NFATC2: variants seen among roughly 807,000 people sequenced by gnomAD.
The protein encoded by NFATC2 is nuclear factor of activated T cells 2.
In NFATC2, 22 loss-of-function variants were observed where a neutral mutation model predicts 87.3. The ratio of observed to expected loss-of-function variants is 0.25; its 90% CI spans 0.18 to 0.36. The LOEUF is 0.36. Among genes scored for constraint, NFATC2 ranks in the 10% least tolerant of loss-of-function variants. NFATC2 has a pLI of 1.00. For synonymous variants in NFATC2, 565 were observed against 542.2 expected, an observed-to-expected ratio of 1.04 and a Z score of -0.58; for missense variants, 1,149 against 1,259.1, an observed-to-expected ratio of 0.91 and a Z score of 1.32.
chr20:51,518,073 G>A (rs1015191152), intron 2 of NFATC2, among the ~76,000 whole-genome samples: 4 of 152,206 alleles, frequency 2.6e-5, no homozygotes, highest in African/African-American at 7.2e-5. Flanking sequence ...AGGTAGAACT[G>A]TTCACAGGGT....
At chr20:51,461,111 G>T (rs1426701328) in intron 5 of NFATC2, among the ~76,000 whole-genome samples, 3 of 152,206 alleles carry the variant, frequency 2.0e-5, no homozygotes, top group Admixed American at 1.3e-4. Context: ...ACTGAAGCCA[G>T]CGCACAGCAG....
At chr20:51,498,422 G>C (rs914615221) in intron 3 of NFATC2, among the ~76,000 whole-genome samples, 4 of 152,220 alleles carry the variant, frequency 2.6e-5, no homozygotes, top group Non-Finnish European at 5.9e-5. Flanking sequence ...TGTGTGGCAG[G>C]GGGGTGGATG....
At chr20:51,392,247 A>G (rs1455739438) in intron 10 of NFATC2, among the ~76,000 whole-genome samples, 1 of 152,224 alleles carries the variant, frequency 6.6e-6, no homozygotes, top group African/African-American at 2.4e-5. Context: ...ACTAGCCATC[A>G]ACATAAACAT....
At chr20:51,418,962 C>T (rs1353425708) in intron 9 of NFATC2, among the ~76,000 whole-genome samples, 2 of 150,704 alleles carry the variant, frequency 1.3e-5, no homozygotes, top group African/African-American at 4.9e-5. Context: ...CCCCCACCGC[C>T]CTAGGTTTTC....
chr20:51,552,137 C>A (rs1246383276), intron 1 of NFATC2, among the ~76,000 whole-genome samples: 1 of 152,126 alleles, frequency 6.6e-6, no homozygotes, highest in Non-Finnish European at 1.5e-5. Context: ...GAGTTCAAGA[C>A]CAGCCTGGGC....
chr20:51,461,787 A>G (rs986320852), intron 5 of NFATC2, among the ~76,000 whole-genome samples: 2 of 152,220 alleles, frequency 1.3e-5, no homozygotes, highest in African/African-American at 2.4e-5. Context: ...CTGGTTAGAG[A>G]AATTCGCTCC....
At chr20:51,448,505 G>A (rs1985362747) in intron 6 of NFATC2, among the ~76,000 whole-genome samples, 1 of 152,218 alleles carries the variant, frequency 6.6e-6, no homozygotes, top group South Asian at 2.1e-4. Flanking sequence ...TTAGCCAGGC[G>A]TCGTGGCAGG....
chr20:51,494,553 C>T (rs2075956866), intron 3 of NFATC2, among the ~76,000 whole-genome samples: 2 of 152,262 alleles, frequency 1.3e-5, no homozygotes, highest in African/African-American at 4.8e-5. Context: ...GCATCCTACC[C>T]TTGCCCAGAG....
intron 9 of NFATC2, among the ~76,000 whole-genome samples, chr20:51,407,544 G>T (rs956713002): frequency 3.3e-5 from 5 of 152,230 alleles, no homozygotes; most frequent in African/African-American, 1.2e-4. Context: ...CAGCTCTGTA[G>T]AGCAGATTCC....
chr20:51,550,648 C>T (rs1259717499), intron 1 of NFATC2, among the ~76,000 whole-genome samples: 2 of 151,960 alleles, frequency 1.3e-5, no homozygotes, highest in African/African-American at 4.8e-5. Flanking sequence ...ATGCTTAACC[C>T]ACTGAACACC....
chr20:51,514,407 C>T (rs1012000916), intron 3 of NFATC2, among the ~76,000 whole-genome samples: 4 of 152,214 alleles, frequency 2.6e-5, no homozygotes, highest in African/African-American at 9.7e-5. Context: ...TGGCAGCAAA[C>T]TGTGCTTGAT....
At chr20:51,493,099 G>A (rs1212641110) in intron 3 of NFATC2, among the ~76,000 whole-genome samples, 1 of 152,240 alleles carries the variant, frequency 6.6e-6, no homozygotes, top group Non-Finnish European at 1.5e-5. Context: ...AGATTCCAGA[G>A]CAGTGGGGTC....
At chr20:51,444,415 T>C (rs1984783760) in intron 6 of NFATC2, among the ~76,000 whole-genome samples, 1 of 152,024 alleles carries the variant, frequency 6.6e-6, no homozygotes, top group Non-Finnish European at 1.5e-5. Flanking sequence ...GTTGGTTTCC[T>C]GGTTTCTCTT....
chr20:51,549,947 C>T (rs1468670661), intron 1 of NFATC2, among the ~76,000 whole-genome samples: 1 of 152,184 alleles, frequency 6.6e-6, no homozygotes, highest in East Asian at 1.9e-4. Flanking sequence ...GCACAATGCC[C>T]TGAAAATTAT....
intron 5 of NFATC2, among the ~76,000 whole-genome samples, chr20:51,469,432 A>G (rs895416671): frequency 6.6e-6 from 1 of 152,146 alleles, no homozygotes; most frequent in African/African-American, 2.4e-5. Flanking sequence ...AAAGATCCCA[A>G]TGCATTTGGG....
chr20:51,439,183 T>A (rs1983987101), intron 6 of NFATC2, among the ~76,000 whole-genome samples: 1 of 152,154 alleles, frequency 6.6e-6, no homozygotes, highest in South Asian at 2.1e-4. Context: ...TTCCTGCCTC[T>A]CCAGGCACTA....
In NFATC2 at chr20:51,561,420, GAGAGAGAAAGA is replaced by G. The variant is rs1479221908; in HGVS notation, c.70+1129_70+1139del. Among the ~76,000 whole-genome samples, 658 of 131,846 alleles carry G rather than the reference GAGAGAGAAAGA, an allele frequency of 5.0e-3. 9 individuals carry two copies. Among genetic ancestry groups the G allele is most frequent in the African/African-American group, 0.019 (618 of 32,372 alleles). The allele number at this position is 131,846 out of a possible 152,430, so 86.5% of individuals were successfully genotyped here. On this transcript the variant is annotated intron_variant, in intron 1 of 10. Coordinates refer to the NFATC2 transcript ENST00000414705. ...GAGAGAAAGAAAAGAAAGAAAGAAA[GAGAGAGAAAGA>G]AAAGAAAGAAAGAAAGAAAGAAAGA...
intron 1 of NFATC2, among the ~76,000 whole-genome samples, chr20:51,548,155 G>A (rs553980690): frequency 1.1e-4 from 16 of 152,056 alleles, no homozygotes; most frequent in South Asian, 4.2e-4. Flanking sequence ...CACCCTGATC[G>A]TCCGCCTGTT....
chr20:51,437,962 G>A (rs981587279), intron 6 of NFATC2, among the ~76,000 whole-genome samples: 3 of 152,230 alleles, frequency 2.0e-5, no homozygotes, highest in Admixed American at 1.3e-4. Flanking sequence ...CTTGATGAGG[G>A]CAGAATACTT....
Sources: allele counts gnomAD v4.1 joint callset (sites outside exome capture counted in the v4.1 genomes callset), GRCh38; gene constraint gnomAD v4.1.1; transcripts MANE v1.5; gene names NCBI Gene and HGNC (gene_info 2026-07-23, HGNC 2026-07-21).